Variants in ITGA2 observed in about 807,000 individuals in gnomAD.
The protein encoded by ITGA2 is integrin alpha-2.
In ITGA2, 101 loss-of-function variants were observed where a neutral mutation model predicts 146.3. That is an observed-to-expected ratio of 0.69 (90% CI 0.59 to 0.81). ITGA2 has a LOEUF of 0.81. ITGA2 is among the 40% of genes least tolerant of loss of function. The pLI is 0.00. For missense variants in ITGA2, 1,281 were observed against 1,402.7 expected (o/e 0.91, Z 1.39); for synonymous variants, 477 against 487.1 (o/e 0.98, Z 0.27).
At chr5:53,017,513 C>T (rs1020441314) in intron 1 of ITGA2, among the ~76,000 whole-genome samples, 1 of 152,222 alleles carries the variant, frequency 6.6e-6, no homozygotes, top group Non-Finnish European at 1.5e-5. Context: ...TGGGGGAATG[C>T]CAGCCAAAGC....
chr5:53,069,026 A>G (rs1191477117), intron 16 of ITGA2, among the ~76,000 whole-genome samples: 2 of 151,860 alleles, frequency 1.3e-5, no homozygotes, highest in Non-Finnish European at 2.9e-5. Flanking sequence ...TTGTTAAGTC[A>G]CTGGAGCAAG....
chr5:53,058,329 A>C (rs1345620381), intron 10 of ITGA2, among the ~76,000 whole-genome samples: 1 of 151,890 alleles, frequency 6.6e-6, no homozygotes, highest in African/African-American at 2.4e-5. Flanking sequence ...GAAAACTGAT[A>C]GTATACCAGA....
intron 1 of ITGA2, among the ~76,000 whole-genome samples, chr5:53,020,150 GTT>G (rs1358367465): frequency 6.6e-6 from 1 of 152,046 alleles, no homozygotes; most frequent in Non-Finnish European, 1.5e-5. Context: ...TACTCAATAA[GTT>G]TATTGAGTGA....
chr5:53,048,860 A>G, intron 6 of ITGA2, 90 bp downstream of exon 6: 1 of 1,403,052 alleles, frequency 7.1e-7, no homozygotes, highest in African/African-American at 1.4e-5. Flanking sequence ...TGTATTTGCC[A>G]AATCCCCATT....
chr5:52,997,336 T>G (rs1299416706), intron 1 of ITGA2, among the ~76,000 whole-genome samples: 1 of 152,226 alleles, frequency 6.6e-6, no homozygotes, highest in Non-Finnish European at 1.5e-5. Flanking sequence ...TTTATTAAAG[T>G]GTCTAGAGAC....
At chr5:53,084,057 G>T (rs138358667) in intron 27 of ITGA2, among the ~76,000 whole-genome samples, 1 of 152,236 alleles carries the variant, frequency 6.6e-6, no homozygotes, top group South Asian at 2.1e-4. Context: ...CCAAAACAAT[G>T]TCATTGTTTT....
intron 11 of ITGA2, 146 bp from the exon 12 acceptor site, chr5:53,060,755 A>C (rs892113643): frequency 1.3e-6 from 1 of 770,890 alleles, no homozygotes; most frequent in Non-Finnish European, 2.3e-6. Flanking sequence ...AAAGGAAGAC[A>C]TGTCCTCAGT....
intron 12 of ITGA2, among the ~76,000 whole-genome samples, chr5:53,061,555 C>T (rs1561133961): frequency 6.6e-6 from 1 of 151,856 alleles, no homozygotes; most frequent in Non-Finnish European, 1.5e-5. Context: ...TTTGAAGATT[C>T]TAAAAGTAAA....
At chr5:53,089,546 C>T (rs944741504) in intron 28 of ITGA2, 1 of 190,492 alleles carries the variant, frequency 5.2e-6, no homozygotes, top group Non-Finnish European at 1.1e-5. Context: ...TGTTTCATCA[C>T]CATGAAGTTG....
chr5:53,075,177 T>G, intron 22 of ITGA2, 40 bp downstream of exon 22: 1 of 1,604,376 alleles, frequency 6.2e-7, no homozygotes, highest in South Asian at 1.1e-5. Flanking sequence ...GATGGATAGC[T>G]TTGTATTTCT....
intron 3 of ITGA2, among the ~76,000 whole-genome samples, chr5:53,043,445 A>G (rs1394645055): frequency 1.3e-5 from 2 of 152,160 alleles, no homozygotes; most frequent in Non-Finnish European, 2.9e-5. Flanking sequence ...TGCCCATAGA[A>G]GTTCTATTAT....
At chr5:53,059,741 G>A in intron 10 of ITGA2, 133 bp from the exon 11 acceptor site, 4 of 870,328 alleles carry the variant, frequency 4.6e-6, no homozygotes, top group Non-Finnish European at 7.4e-6. Context: ...TCTACAATAT[G>A]TCAATATATG....
At chr5:53,057,601 T>C (rs564376970) in intron 9 of ITGA2, among the ~76,000 whole-genome samples, 18 of 152,006 alleles carry the variant, frequency 1.2e-4, no homozygotes, top group Non-Finnish European at 2.1e-4. Context: ...ATCTGAGATA[T>C]GTGTACATTA....
chr5:53,015,578 G>A (rs1489614239), intron 1 of ITGA2, among the ~76,000 whole-genome samples: 3 of 152,162 alleles, frequency 2.0e-5, no homozygotes, highest in African/African-American at 7.2e-5. Flanking sequence ...TTGTTTTGGT[G>A]TAGAAAGTTC....
intron 1 of ITGA2, 51 bp downstream of exon 1, chr5:52,989,583 T>C: frequency 6.3e-7 from 1 of 1,597,856 alleles, no homozygotes; most frequent in Non-Finnish European, 8.6e-7. Flanking sequence ...CCGCGCGGCT[T>C]CCTGGGGCTC....
rs1364973391 is a variant in ITGA2 at position 53,090,918 on chromosome 5, A to T, written c.*319A>T. On this transcript the variant is annotated 3_prime_UTR_variant, in exon 30 of 30. Coordinates refer to ENST00000296585, the MANE Select transcript of ITGA2 (RefSeq NM_002203.4). ...TCAGAAACATGAAATGCTTCCAAGC[A>T]TGACAACTTTTAAAGAAAAATATGA... The T allele has an allele frequency of 1.8e-5, 10 of 553,032 alleles. No individual in the cohort carries two copies. Among genetic ancestry groups the T allele is most frequent in the Non-Finnish European group, 2.6e-5 (8 of 313,462 alleles). 34.3% of individuals were successfully genotyped at this position (553,032 alleles called of 1,614,324 possible). A position where few individuals can be genotyped will look rare whatever the true frequency, so the allele number is the denominator to read the frequency against.
intron 27 of ITGA2, among the ~76,000 whole-genome samples, chr5:53,084,740 T>C (rs1225594309): frequency 6.6e-6 from 1 of 152,216 alleles, no homozygotes; most frequent in Admixed American, 6.5e-5. Flanking sequence ...CTTGGCTCCT[T>C]GGATTTGAGG....
chr5:53,085,460 A>G (rs779236317), intron 27 of ITGA2, among the ~76,000 whole-genome samples: 4 of 152,188 alleles, frequency 2.6e-5, no homozygotes, highest in Non-Finnish European at 4.4e-5. Flanking sequence ...ATGCTATAAG[A>G]AAAATTCTTT....
Position 53,061,472 on chromosome 5 carries a change from GAGA to G in ITGA2, c.1458+432_1458+434del, listed in dbSNP as rs1191096176. 1.2e-4 allele frequency among the ~76,000 whole-genome samples: 18 copies of G among 152,064 alleles called. No individual in the cohort carries two copies. The East Asian group carries it at 3.5e-3, about 30-fold the overall frequency. ...AACAAGGATTTGGAGAGGAAATAAT[GAGA>G]AGAAGGGAGCAGCACAACATTATAA... On this transcript the variant is annotated intron_variant, in intron 12 of 29. Transcript: ENST00000296585.
Sources: gnomAD v4.1 joint callset for allele counts (sites outside exome capture counted in the v4.1 genomes callset) on GRCh38, gnomAD v4.1.1 for gene constraint, MANE v1.5 for transcripts, NCBI Gene and HGNC (gene_info 2026-07-23, HGNC 2026-07-21) for gene names.